ATG10: variants seen among roughly 807,000 people sequenced by gnomAD.
The protein encoded by ATG10 is ubiquitin-like-conjugating enzyme ATG10.
Under a neutral mutation model 32.1 loss-of-function variants are expected in ATG10, and 30 were observed. The ratio of observed to expected loss-of-function variants is 0.94; its 90% CI spans 0.70 to 1.27. The LOEUF (loss-of-function observed/expected upper bound fraction) is 1.27, where lower values mean the gene tolerates loss of function less well. Ranked by LOEUF, ATG10 falls within the 50% of genes most tolerant of loss-of-function variation. The probability of loss-of-function intolerance (pLI) is 0.00; values close to 1 mark genes in which losing one functional copy is unlikely to be tolerated. For missense variants in ATG10, 233 were observed against 262.3 expected (o/e 0.89, Z 0.77); for synonymous variants, 87 against 91.5 (o/e 0.95, Z 0.28).
At chr5:81,974,907 GC>G (rs1760825292) in intron 1 of ATG10, among the ~76,000 whole-genome samples, 1 of 152,158 alleles carries the variant, frequency 6.6e-6, no homozygotes, top group South Asian at 2.1e-4. Flanking sequence ...AAGGTTCACT[GC>G]CACTGCCCCA....
At chr5:82,007,278 C>T (rs1439249334) in intron 2 of ATG10, among the ~76,000 whole-genome samples, 5 of 152,142 alleles carry the variant, frequency 3.3e-5, no homozygotes, top group East Asian at 1.9e-4. Context: ...TACATAGCCT[C>T]GTTCTATTAG....
At chr5:82,059,658 A>T (rs2406912) in intron 3 of ATG10, among the ~76,000 whole-genome samples, 152,207 of 152,310 alleles carry the variant, frequency 1, 76,052 homozygotes, top group Middle Eastern at 1. Flanking sequence ...AAAGAGGTGA[A>T]TTTTTGTGTG....
intron 2 of ATG10, among the ~76,000 whole-genome samples, chr5:82,035,802 A>C (rs1762899876): frequency 6.7e-6 from 1 of 148,730 alleles, no homozygotes. Context: ...ATAAAAGAGT[A>C]AAATATATTA....
intron 5 of ATG10, among the ~76,000 whole-genome samples, chr5:82,239,666 G>T (rs1746702679): frequency 6.6e-6 from 1 of 152,092 alleles, no homozygotes; most frequent in Non-Finnish European, 1.5e-5. Flanking sequence ...ATGGTAAACT[G>T]TATATAAATA....
intron 5 of ATG10, among the ~76,000 whole-genome samples, chr5:82,242,186 C>T (rs1031446602): frequency 3.5e-4 from 53 of 151,792 alleles, no homozygotes; most frequent in African/African-American, 1.0e-3. Flanking sequence ...CATAGGAAGA[C>T]GACTATGGAA....
chr5:82,108,321 T>A (rs552599260), intron 3 of ATG10, among the ~76,000 whole-genome samples: 107 of 152,042 alleles, frequency 7.0e-4, no homozygotes, highest in Non-Finnish European at 1.3e-3. Flanking sequence ...CGAGTATACA[T>A]ATATATACAC....
chr5:82,119,132 C>A (rs1765939555), intron 3 of ATG10, among the ~76,000 whole-genome samples: 1 of 152,096 alleles, frequency 6.6e-6, no homozygotes, highest in Non-Finnish European at 1.5e-5. Context: ...ATAAAATTCC[C>A]TTTATTAATA....
chr5:82,079,805 G>A (rs1764410676), intron 3 of ATG10, among the ~76,000 whole-genome samples: 1 of 152,156 alleles, frequency 6.6e-6, no homozygotes, highest in Non-Finnish European at 1.5e-5. Context: ...TTGCTATTGT[G>A]AATAGTGCCG....
intron 3 of ATG10, among the ~76,000 whole-genome samples, chr5:82,084,795 C>T (rs1316802514): frequency 1.3e-5 from 2 of 152,140 alleles, no homozygotes; most frequent in African/African-American, 4.8e-5. Context: ...GAGATTTTGT[C>T]ACCACCAGGC....
At chr5:82,040,389 A>G (rs1763049507) in intron 2 of ATG10, among the ~76,000 whole-genome samples, 1 of 152,252 alleles carries the variant, frequency 6.6e-6, no homozygotes, top group Non-Finnish European at 1.5e-5. Flanking sequence ...GTCCTGGCAT[A>G]GGTGCAGTGA....
At chr5:82,193,395 C>G (rs1268844558) in intron 5 of ATG10, among the ~76,000 whole-genome samples, 1 of 152,194 alleles carries the variant, frequency 6.6e-6, no homozygotes, top group South Asian at 2.1e-4. Context: ...TAGCCCTATT[C>G]AAATCATCTT....
intron 2 of ATG10, among the ~76,000 whole-genome samples, chr5:82,033,971 A>G (rs1045281113): frequency 6.8e-6 from 1 of 147,790 alleles, no homozygotes; most frequent in Non-Finnish European, 1.5e-5. Context: ...CATATATAGT[A>G]TATATACATA....
At chr5:82,159,182 A>G (rs1343276853) in intron 3 of ATG10, among the ~76,000 whole-genome samples, 5 of 152,190 alleles carry the variant, frequency 3.3e-5, no homozygotes, top group Non-Finnish European at 5.9e-5. Context: ...GTGACTAATG[A>G]GCTGGTAGTG....
chr5:82,005,947 T>C (rs1255900670), intron 2 of ATG10, among the ~76,000 whole-genome samples: 4 of 152,198 alleles, frequency 2.6e-5, no homozygotes, highest in Non-Finnish European at 5.9e-5. Flanking sequence ...TACTTGATTA[T>C]AATTTGAAGT....
chr5:82,165,259 C>T (rs1743529524), intron 4 of ATG10, among the ~76,000 whole-genome samples: 1 of 152,236 alleles, frequency 6.6e-6, no homozygotes, highest in African/African-American at 2.4e-5. Flanking sequence ...GCCTCCTGTT[C>T]AGCCAACCCC....
intron 3 of ATG10, among the ~76,000 whole-genome samples, chr5:82,115,862 A>G (rs1765791916): frequency 6.6e-6 from 1 of 152,074 alleles, no homozygotes; most frequent in African/African-American, 2.4e-5. Flanking sequence ...TAGCTTGGGA[A>G]AGAAACCAGA....
At chr5:82,037,406 C>T (rs1183796694) in intron 2 of ATG10, among the ~76,000 whole-genome samples, 2 of 147,302 alleles carry the variant, frequency 1.4e-5, no homozygotes, top group Non-Finnish European at 3.0e-5. Context: ...CGCCACTACG[C>T]CCGGCTAATT....
chr5:82,040,208 T>C (rs1763043575), intron 2 of ATG10, among the ~76,000 whole-genome samples: 1 of 152,220 alleles, frequency 6.6e-6, no homozygotes, highest in Admixed American at 6.5e-5. Context: ...CCCTCTCCTC[T>C]TGATGGGAGG....
chr5:82,014,827 A>G (rs1762234492), intron 2 of ATG10, among the ~76,000 whole-genome samples: 3 of 152,176 alleles, frequency 2.0e-5, no homozygotes, highest in Admixed American at 6.5e-5. Context: ...GCCCATTTAC[A>G]TTTAAGGTTA....
Sources: allele counts gnomAD v4.1 joint callset (sites outside exome capture counted in the v4.1 genomes callset), GRCh38; gene constraint gnomAD v4.1.1; transcripts MANE v1.5; gene names NCBI Gene and HGNC (gene_info 2026-07-23, HGNC 2026-07-21).